RAD21: variants seen among roughly 807,000 people sequenced by gnomAD.
RAD21 encodes RAD21 cohesin complex component.
In RAD21, 18 loss-of-function variants were observed where a neutral mutation model predicts 71.5. The ratio of observed to expected loss-of-function variants is 0.25; its 90% CI spans 0.17 to 0.37. The LOEUF is 0.37. Ranked by LOEUF, RAD21 falls within the 10% of genes least tolerant of loss-of-function variation. RAD21 has a pLI of 1.00. For missense variants in RAD21, 493 were observed against 769.1 expected (o/e 0.64, Z 4.25); for synonymous variants, 248 against 254.0 (o/e 0.98, Z 0.22).
intron 9 of RAD21, among the ~76,000 whole-genome samples, chr8:116,853,365 G>T (rs13276790): frequency 2.0e-5 from 3 of 152,118 alleles, no homozygotes; most frequent in Admixed American, 1.3e-4. Flanking sequence ...AGGCATGAGC[G>T]ACTGCTTCTG....
chr8:116,849,123 G>C, intron 12 of RAD21, 94 bp from the exon 13 acceptor site: 2 of 827,242 alleles, frequency 2.4e-6, no homozygotes, highest in Non-Finnish European at 3.5e-6. Flanking sequence ...ATTACCTTGA[G>C]ATTGTGTATT....
Position 116,866,732 on chromosome 8 carries a change from T to C in RAD21, c.-3A>G. On this transcript the variant is annotated 5_prime_UTR_variant, in exon 2 of 14. Coordinates refer to ENST00000297338, the MANE Select transcript of RAD21 (RefSeq NM_006265.3). ...AGAACAAAATGTGCGTAGAACATTG[T>C]TCTGGCTGGCTATGAAAACAGAAGA... The C allele has an allele frequency of 6.3e-7, 1 of 1,599,064 alleles. No individual in the cohort carries two copies. The highest frequency in any genetic ancestry group is 8.5e-7 in the Non-Finnish European group (1 of 1,173,692).
At chr8:116,872,679 C>T (rs896846612) in intron 1 of RAD21, among the ~76,000 whole-genome samples, 1 of 152,132 alleles carries the variant, frequency 6.6e-6, no homozygotes, top group Non-Finnish European at 1.5e-5. Context: ...GCTGCCTAAC[C>T]TTTATGCAGT....
chr8:116,861,234 A>G (rs906370364), intron 4 of RAD21, among the ~76,000 whole-genome samples: 1 of 151,992 alleles, frequency 6.6e-6, no homozygotes, highest in Non-Finnish European at 1.5e-5. Context: ...AGTTATGCTA[A>G]TAAGTCACTT....
At chr8:116,856,097 A>T in intron 8 of RAD21, 69 bp downstream of exon 8, 1 of 1,525,448 alleles carries the variant, frequency 6.6e-7, no homozygotes, top group Non-Finnish European at 8.9e-7. Flanking sequence ...GCAGATCAGT[A>T]GACAGGCAAA....
chr8:116,856,291 G>GTA lies in RAD21; in HGVS notation c.815-5_815-4dup, dbSNP rs1554611371. On this transcript the variant is annotated splice_polypyrimidine_tract_variant and splice_region_variant and intron_variant, in intron 7 of 13. Coordinates refer to ENST00000297338, the MANE Select transcript of RAD21 (RefSeq NM_006265.3). ...ATCAGGACTATCAGGCCCACCCACT[G>GTA]TAAAAAAAAAAAAAAAAAAAAAAAG... 3.3e-5 allele frequency: 25 copies of GTA among 761,762 alleles called. No homozygotes were observed. The highest frequency in any genetic ancestry group is 3.7e-5 in the Non-Finnish European group (22 of 593,614). 47.2% of individuals were successfully genotyped at this position (761,762 alleles called of 1,614,324 possible). A position where few individuals can be genotyped will look rare whatever the true frequency, so the allele number is the denominator to read the frequency against.
At chr8:116,866,525 T>A in intron 2 of RAD21, 61 bp downstream of exon 2, 1 of 1,513,092 alleles carries the variant, frequency 6.6e-7, no homozygotes, top group South Asian at 1.3e-5. Context: ...TTTTAGAAGT[T>A]CTATTTCACA....
chr8:116,868,602 T>G (rs1812746165), intron 1 of RAD21, among the ~76,000 whole-genome samples: 1 of 152,174 alleles, frequency 6.6e-6, no homozygotes, highest in Non-Finnish European at 1.5e-5. Flanking sequence ...TTTTTATATT[T>G]ATAGGCAAGA....
chr8:116,855,628 T>G (rs921644372), intron 8 of RAD21, among the ~76,000 whole-genome samples: 1 of 152,154 alleles, frequency 6.6e-6, no homozygotes, highest in Non-Finnish European at 1.5e-5. Context: ...CTCAAACTCC[T>G]GGCCTCAAGT....
chr8:116,869,767 C>T (rs1467469459), intron 1 of RAD21, among the ~76,000 whole-genome samples: 1 of 151,800 alleles, frequency 6.6e-6, no homozygotes, highest in Non-Finnish European at 1.5e-5. Flanking sequence ...ACATCAAATG[C>T]TGAAAGACAC....
intron 5 of RAD21, 123 bp downstream of exon 5, chr8:116,858,229 G>A (rs988866558): frequency 2.0e-5 from 14 of 702,704 alleles, no homozygotes; most frequent in Middle Eastern, 4.1e-4. Context: ...TTCTTTTCTT[G>A]ATGAAAATGC....
At chr8:116,873,854 T>C (rs1028957277) in intron 1 of RAD21, among the ~76,000 whole-genome samples, 4 of 152,160 alleles carry the variant, frequency 2.6e-5, no homozygotes, top group Non-Finnish European at 4.4e-5. Flanking sequence ...CCAGAGCGTC[T>C]CTACAACACC....
rs759030507 is a variant in RAD21 at position 116,850,759 on chromosome 8, C to T, written c.1479G>A (p.Gln493=). 1 of 1,594,070 alleles carries T rather than the reference C, an allele frequency of 6.3e-7. No individual in the cohort carries two copies. The highest frequency in any genetic ancestry group is 8.6e-7 in the Non-Finnish European group (1 of 1,162,046). ...CAGGTGGTATTTCCATCTGCTCTAC[C>T]TGCTGAGGCTTAAAGCAATACAAAT... The part of the protein sequence containing the change: ...IDPEPVMPPQ[Q]VEQMEIPPVE... Residue 493 remains glutamine (Q), a synonymous_variant, in exon 12 of 14, where the codon CAG becomes CAA. Coordinates refer to ENST00000297338, the MANE Select transcript of RAD21 (RefSeq NM_006265.3).
At chr8:116,854,187 C>CTT in intron 9 of RAD21, 58 bp downstream of exon 9, 16 of 1,175,666 alleles carry the variant, frequency 1.4e-5, no homozygotes, top group Admixed American at 2.5e-5. Context: ...GTTTTAGAAT[C>CTT]TTTTTTTTTT....
chr8:116,852,134 C>G, intron 10 of RAD21, 38 bp from the exon 11 acceptor site: 1 of 1,543,756 alleles, frequency 6.5e-7, no homozygotes, highest in Non-Finnish European at 8.9e-7. Flanking sequence ...ATAGGTCATA[C>G]AGTTTTGAAC....
Position 116,849,021 on chromosome 8 carries a change from A to G in RAD21, c.1629T>C (p.Asp543=), listed in dbSNP as rs377080076. 3.6e-5 allele frequency: 57 copies of G among 1,580,996 alleles called. 2 individuals carry two copies. The highest frequency in any genetic ancestry group is 3.4e-4 in the East Asian group (15 of 43,588). ...CCTGATCTTGATCGCCCCCTGATGC[A>G]TCTTCATCCTGAATAAAAATGACCC... The part of the protein sequence containing the change: ...KEDDEEEEDE[D]ASGGDQDQEE... Residue 543 remains aspartate, a synonymous_variant, in exon 13 of 14, where the codon GAT becomes GAC. Coordinates refer to ENST00000297338, the MANE Select transcript of RAD21 (RefSeq NM_006265.3).
At chr8:116,850,474 A>G (rs1390127832) in intron 12 of RAD21, 144 bp downstream of exon 12, 12 of 1,331,308 alleles carry the variant, frequency 9.0e-6, no homozygotes, top group Non-Finnish European at 1.2e-5. Context: ...CAATACCACG[A>G]AGAATATGGT....
intron 1 of RAD21, among the ~76,000 whole-genome samples, chr8:116,872,539 TACACACACACAC>T (rs5894355): frequency 4.7e-4 from 70 of 148,248 alleles, no homozygotes; most frequent in African/African-American, 1.6e-3. Context: ...TATATATACA[TACACACACACAC>T]ACACACACAC....
intron 9 of RAD21, among the ~76,000 whole-genome samples, chr8:116,853,689 G>A (rs1217577489): frequency 1.3e-5 from 2 of 152,064 alleles, no homozygotes; most frequent in Non-Finnish European, 2.9e-5. Flanking sequence ...CTAAATACAC[G>A]GTAAAATCAA....
Sources: gnomAD v4.1 joint callset for allele counts (sites outside exome capture counted in the v4.1 genomes callset) on GRCh38, gnomAD v4.1.1 for gene constraint, MANE v1.5 for transcripts, NCBI Gene and HGNC (gene_info 2026-07-23, HGNC 2026-07-21) for gene names.